UEVLD: variants seen among roughly 807,000 people sequenced by gnomAD.
The protein encoded by UEVLD is UEV and lactate/malate dehyrogenase domains.
Under a neutral mutation model 58.6 loss-of-function variants are expected in UEVLD, and 47 were observed. The ratio of observed to expected loss-of-function variants is 0.80; its 90% CI spans 0.63 to 1.02. The LOEUF is 1.02. UEVLD is among the 50% of genes least tolerant of loss of function. The pLI is 0.00. For missense variants in UEVLD, 510 were observed against 550.6 expected (o/e 0.93, Z 0.74); for synonymous variants, 197 against 195.3 (o/e 1.01, Z -0.07).
At position 18,558,309 on chromosome 11, in the gene UEVLD, G is replaced by A; in HGVS notation, c.634C>T (p.Leu212Phe). 6.2e-7 allele frequency: 1 copy of A among 1,612,346 alleles called. No homozygotes were observed. Among genetic ancestry groups the A allele is most frequent in the Non-Finnish European group, 8.5e-7 (1 of 1,179,268 alleles). ...TTAGTCCCTTCTGAGAGGTCTAAGAGGACAAGCCTGTCTGCAATACCCTGT... is the reference window on the plus strand; with the variant it reads ...TTAGTCCCTTCTGAGAGGTCTAAGAAGACAAGCCTGTCTGCAATACCCTGT... ...SAKGIADRLV[L>F]LDLSEGTKGA... Residue 212 changes from leucine (L) to phenylalanine (F), a missense_variant, in exon 7 of 12, where the codon CTC (leucine) becomes TTC (phenylalanine). Transcript: ENST00000396197.
intron 11 of UEVLD, among the ~76,000 whole-genome samples, chr11:18,532,710 G>A (rs1415730606): frequency 2.6e-5 from 4 of 152,064 alleles, no homozygotes; most frequent in African/African-American, 9.7e-5. Context: ...TTGAGAGATG[G>A]AAGCAACTTG....
At chr11:18,568,894 T>C (rs1852438424) in intron 4 of UEVLD, among the ~76,000 whole-genome samples, 1 of 152,104 alleles carries the variant, frequency 6.6e-6, no homozygotes, top group Non-Finnish European at 1.5e-5. Flanking sequence ...CTGGTACATA[T>C]AAACATATTT....
intron 6 of UEVLD, among the ~76,000 whole-genome samples, chr11:18,560,497 C>A (rs533401416): frequency 6.6e-6 from 1 of 152,236 alleles, no homozygotes; most frequent in African/African-American, 2.4e-5. Context: ...ACATTAACTT[C>A]TTGAATCCAT....
At chr11:18,575,771 A>G (rs957017114) in intron 2 of UEVLD, among the ~76,000 whole-genome samples, 4 of 152,206 alleles carry the variant, frequency 2.6e-5, no homozygotes, top group Non-Finnish European at 5.9e-5. Context: ...CAAAGTTGTC[A>G]TAAGGATCAA....
intron 9 of UEVLD, among the ~76,000 whole-genome samples, chr11:18,539,789 A>G (rs900499234): frequency 6.6e-6 from 1 of 152,214 alleles, no homozygotes; most frequent in Non-Finnish European, 1.5e-5. Flanking sequence ...CTGCAAGTCA[A>G]CCACCTGACT....
At chr11:18,574,396 C>T (rs1016978191) in intron 3 of UEVLD, among the ~76,000 whole-genome samples, 12 of 152,130 alleles carry the variant, frequency 7.9e-5, no homozygotes, top group Non-Finnish European at 1.2e-4. Flanking sequence ...CCTAGGCCTC[C>T]CAAAGTGCTG....
chr11:18,585,867 T>G (rs1235250287), intron 1 of UEVLD, among the ~76,000 whole-genome samples: 1 of 152,110 alleles, frequency 6.6e-6, no homozygotes, highest in Non-Finnish European at 1.5e-5. Context: ...ACTCCTGACC[T>G]CAAGTGATCC....
intron 4 of UEVLD, among the ~76,000 whole-genome samples, chr11:18,567,948 C>T (rs1440145963): frequency 2.0e-5 from 3 of 152,026 alleles, no homozygotes; most frequent in Non-Finnish European, 2.9e-5. Flanking sequence ...AGTTCAATAC[C>T]AGCCTGGACA....
intron 1 of UEVLD, among the ~76,000 whole-genome samples, chr11:18,585,251 CTTAT>C (rs1318047710): frequency 4.6e-5 from 7 of 152,142 alleles, no homozygotes; most frequent in African/African-American, 1.2e-4. Flanking sequence ...GAATTTGTCT[CTTAT>C]TTGTGTATTA....
intron 1 of UEVLD, among the ~76,000 whole-genome samples, chr11:18,588,140 C>A (rs1853677709): frequency 1.3e-5 from 2 of 152,140 alleles, no homozygotes; most frequent in Admixed American, 1.3e-4. Context: ...AAGGGGCTCA[C>A]AGCAAGATTA....
chr11:18,571,100 C>T (rs1379809083), intron 3 of UEVLD, among the ~76,000 whole-genome samples: 3 of 152,070 alleles, frequency 2.0e-5, no homozygotes, highest in African/African-American at 7.2e-5. Flanking sequence ...CACCTGTAAT[C>T]CCAGCACTTT....
chr11:18,557,316 T>C (rs1053201783), intron 7 of UEVLD, among the ~76,000 whole-genome samples: 4 of 151,538 alleles, frequency 2.6e-5, no homozygotes, highest in Admixed American at 2.6e-4. Flanking sequence ...CATGCCCGGC[T>C]AATTTTTTTG....
At chr11:18,578,221 C>CCAGCTG (rs1853036408) in intron 2 of UEVLD, among the ~76,000 whole-genome samples, 1 of 152,100 alleles carries the variant, frequency 6.6e-6, no homozygotes, top group African/African-American at 2.4e-5. Flanking sequence ...AGAATCTTTC[C>CCAGCTG]CAGCTGTGGT....
In UEVLD at chr11:18,534,822, G is replaced by C. The variant is rs558077940; in HGVS notation, c.1125-369C>G. ...CATTCTCATAACTGCTATTGAGAAT[G>C]TAAAGTGATCTAACCTTTTAAGAAG... On this transcript the variant is annotated intron_variant, in intron 10 of 11. Coordinates refer to ENST00000396197, the MANE Select transcript of UEVLD (RefSeq NM_001040697.4). Among the ~76,000 whole-genome samples the C allele has an allele frequency of 1.4e-3, 215 of 152,350 alleles. 1 individual carries two copies. Among genetic ancestry groups the C allele is most frequent in the Non-Finnish European group, 2.2e-3 (151 of 68,028 alleles).
intron 5 of UEVLD, 32 bp from the exon 6 acceptor site, chr11:18,565,042 C>A: frequency 6.7e-7 from 1 of 1,484,766 alleles, no homozygotes. Context: ...CCTGAGAATT[C>A]AAAAATATCA....
At position 18,560,138 on chromosome 11, in the gene UEVLD, C is replaced by CACACACACACACACAGAG. The variant is rs368897951; in HGVS notation, c.613-1809_613-1808insCTCTGTGTGTGTGTGTGT. Among the ~76,000 whole-genome samples the CACACACACACACACAGAG allele has an allele frequency of 1.7e-3, 125 of 74,794 alleles. 2 individuals carry two copies. The highest frequency in any genetic ancestry group is 2.6e-3 in the Non-Finnish European group (103 of 39,414). 49.1% of individuals were successfully genotyped at this position (74,794 alleles called of 152,430 possible). A position where few individuals can be genotyped will look rare whatever the true frequency, so the allele number is the denominator to read the frequency against. ...ACACACACACACACACACACACACA[C>CACACACACACACACAGAG]AGAGAGAGAAAGAAAATAACCCTGC... On this transcript the variant is annotated intron_variant, in intron 6 of 11. Coordinates refer to ENST00000396197, the MANE Select transcript of UEVLD (RefSeq NM_001040697.4).
At chr11:18,553,486 T>C (rs2133992902) in intron 7 of UEVLD, among the ~76,000 whole-genome samples, 1 of 152,096 alleles carries the variant, frequency 6.6e-6, no homozygotes, top group East Asian at 1.9e-4. Flanking sequence ...AAAGATCAAA[T>C]TACCATATAA....
chr11:18,570,426 C>T (rs967536794), intron 3 of UEVLD, 49 bp from the exon 4 acceptor site: 3 of 1,461,180 alleles, frequency 2.1e-6, no homozygotes, highest in African/African-American at 2.9e-5. Context: ...AAAGCACACA[C>T]ATTATGATAT....
chr11:18,555,325 C>T (rs1851711724), intron 7 of UEVLD, among the ~76,000 whole-genome samples: 1 of 151,872 alleles, frequency 6.6e-6, no homozygotes, highest in Non-Finnish European at 1.5e-5. Flanking sequence ...ACTCGGGAGG[C>T]TGAGGCGGGA....
Sources: allele counts gnomAD v4.1 joint callset (sites outside exome capture counted in the v4.1 genomes callset), GRCh38; gene constraint gnomAD v4.1.1; transcripts MANE v1.5; gene names NCBI Gene and HGNC (gene_info 2026-07-23, HGNC 2026-07-21).